ATP6V1A: variants seen among roughly 807,000 people sequenced by gnomAD.
The protein encoded by ATP6V1A is ATPase H+ transporting V1 subunit A.
ATP6V1A carries 18 observed loss-of-function variants against 70.1 expected under a neutral mutation model. The observed-to-expected ratio is 0.26, with a 90% CI of 0.18 to 0.38. The LOEUF (loss-of-function observed/expected upper bound fraction) is 0.38. Among genes scored for constraint, ATP6V1A ranks in the 10% least tolerant of loss-of-function variants. ATP6V1A has a pLI of 1.00. For synonymous variants in ATP6V1A, 232 were observed against 253.8 expected (o/e 0.91, Z 0.82); for missense variants, 424 against 772.4 (o/e 0.55, Z 5.35).
At chr3:113,809,032 T>C (rs1381615038) in intron 14 of ATP6V1A, among the ~76,000 whole-genome samples, 5 of 151,916 alleles carry the variant, frequency 3.3e-5, no homozygotes, top group Non-Finnish European at 7.4e-5. Flanking sequence ...AGTGGATCAC[T>C]TGAGATCAGG....
At chr3:113,780,040 ATTC>A (rs1028612446) in intron 2 of ATP6V1A, among the ~76,000 whole-genome samples, 10 of 152,074 alleles carry the variant, frequency 6.6e-5, no homozygotes, top group African/African-American at 2.4e-4. Context: ...GCAATTTTTA[ATTC>A]TTAAGTACTT....
intron 12 of ATP6V1A, among the ~76,000 whole-genome samples, chr3:113,801,415 C>T (rs1248371435): frequency 6.6e-6 from 1 of 152,130 alleles, no homozygotes; most frequent in Non-Finnish European, 1.5e-5. Flanking sequence ...GAGAACATCA[C>T]ATTATACTAG....
chr3:113,799,634 A>G (rs1709187569), intron 12 of ATP6V1A, among the ~76,000 whole-genome samples: 1 of 152,214 alleles, frequency 6.6e-6, no homozygotes, highest in African/African-American at 2.4e-5. Flanking sequence ...CATTGTTTGT[A>G]GATAATATGC....
intron 1 of ATP6V1A, among the ~76,000 whole-genome samples, chr3:113,760,714 A>C (rs1341774356): frequency 6.6e-6 from 1 of 151,178 alleles, no homozygotes; most frequent in African/African-American, 2.4e-5. Flanking sequence ...GGGCAACAAT[A>C]AGACTCCATC....
intron 1 of ATP6V1A, among the ~76,000 whole-genome samples, chr3:113,772,862 A>C (rs1708862673): frequency 6.6e-6 from 1 of 151,716 alleles, no homozygotes; most frequent in Admixed American, 6.6e-5. Context: ...CTGTATAAAC[A>C]CTATGGAGTA....
chr3:113,795,318 G>A (rs1709142509), intron 10 of ATP6V1A, 114 bp downstream of exon 10: 11 of 1,155,422 alleles, frequency 9.5e-6, no homozygotes, highest in South Asian at 4.9e-5. Context: ...TGGGAGCAGC[G>A]GTTCTTAAGG....
At chr3:113,756,914 GTT>G (rs1559748301) in intron 1 of ATP6V1A, among the ~76,000 whole-genome samples, 2 of 152,184 alleles carry the variant, frequency 1.3e-5, no homozygotes, top group Admixed American at 1.3e-4. Flanking sequence ...TGAAAAGTGA[GTT>G]TTTGATAATC....
At chr3:113,776,266 G>A (rs1421631632) in intron 1 of ATP6V1A, among the ~76,000 whole-genome samples, 1 of 151,954 alleles carries the variant, frequency 6.6e-6, no homozygotes, top group African/African-American at 2.4e-5. Flanking sequence ...GGGTGGGGAC[G>A]GGGGCGGCTG....
In ATP6V1A at chr3:113,797,183, C is replaced by T. The variant is rs1010701144; in HGVS notation, c.1291-1060C>T. Among the ~76,000 whole-genome samples, 40 of 144,904 alleles carry T rather than the reference C, an allele frequency of 2.8e-4. No homozygotes were observed. In the Middle Eastern group the frequency reaches 0.013, roughly 46 times the overall value. The stretch of plus-strand genomic sequence containing the variant: ...AACTCCTGACCTCAGGTGATCCACC[C>T]GCCTCAGCCTCCCAAAGTGCAGGGA... On this transcript the variant is annotated intron_variant, in intron 11 of 14. Coordinates refer to ENST00000273398, the MANE Select transcript of ATP6V1A (RefSeq NM_001690.4).
rs767872962 is a variant in ATP6V1A, at chr3:113,805,484, A to G, written c.1720A>G (p.Met574Val). Residue 574 changes from methionine to valine, a missense_variant, in exon 14 of 15, where the codon ATG (methionine) becomes GTG (valine). Transcript: ENST00000273398. ...KITWSIIREHMGDILYKLSSM... is the reference protein window; with the variant it reads ...KITWSIIREHVGDILYKLSSM... ...CACATGGTCCATTATTCGTGAGCAC[A>G]TGGGAGACATCCTCTATAAACTTTC... 3.1e-6 allele frequency: 5 copies of G among 1,614,042 alleles called. No homozygotes were observed. Among genetic ancestry groups the G allele is most frequent in the African/African-American group, 1.3e-5 (1 of 75,064 alleles).
intron 5 of ATP6V1A, among the ~76,000 whole-genome samples, 165 bp from the exon 6 acceptor site, chr3:113,786,067 A>G (rs1276631500): frequency 6.6e-6 from 1 of 151,254 alleles, no homozygotes; most frequent in Non-Finnish European, 1.5e-5. Flanking sequence ...TAAAAAAAAA[A>G]AAAAGCTAAG....
chr3:113,768,504 C>G (rs1708799171), intron 1 of ATP6V1A, among the ~76,000 whole-genome samples: 1 of 151,868 alleles, frequency 6.6e-6, no homozygotes, highest in Non-Finnish European at 1.5e-5. Context: ...TTAGCTCCCT[C>G]AAGGTCCTAA....
intron 1 of ATP6V1A, among the ~76,000 whole-genome samples, chr3:113,767,086 CTTTTT>C (rs369126041): frequency 2.3e-3 from 248 of 107,854 alleles, no homozygotes; most frequent in African/African-American, 7.8e-3. Flanking sequence ...GATGTTATGT[CTTTTT>C]TTTTTTTTTT....
In ATP6V1A at chr3:113,811,603, T is replaced by G. The variant is rs571905689; in HGVS notation, c.*2176T>G. 6.6e-6 allele frequency: 1 copy of G among 152,632 alleles called. No individual in the cohort carries two copies. Among genetic ancestry groups the G allele is most frequent in the Non-Finnish European group, 1.5e-5 (1 of 68,044 alleles). The allele number at this position is 152,632 out of a possible 1,614,324, so 9.5% of individuals were successfully genotyped here. A position where few individuals can be genotyped will look rare whatever the true frequency, so the allele number is the denominator to read the frequency against. On this transcript the variant is annotated 3_prime_UTR_variant, in exon 15 of 15. Coordinates refer to ENST00000273398, the MANE Select transcript of ATP6V1A (RefSeq NM_001690.4). ...ATGAAGAAAGTTTGACCAAATTTGT[T>G]TTTTTGTTGTTGTTGTTGTTTTGAA... is the stretch of plus-strand genomic sequence containing the variant.
At chr3:113,770,506 C>T (rs969320234) in intron 1 of ATP6V1A, among the ~76,000 whole-genome samples, 6 of 151,882 alleles carry the variant, frequency 4.0e-5, no homozygotes, top group Non-Finnish European at 7.4e-5. Flanking sequence ...GGCGAAATCC[C>T]GTCTCTACTA....
intron 1 of ATP6V1A, among the ~76,000 whole-genome samples, chr3:113,758,090 G>C (rs1331563954): frequency 6.6e-6 from 1 of 152,088 alleles, no homozygotes; most frequent in Non-Finnish European, 1.5e-5. Flanking sequence ...GTTGCAGTGA[G>C]CTGAGATCAC....
intron 11 of ATP6V1A, 25 bp from the exon 12 acceptor site, chr3:113,798,218 T>G (rs1709174383): frequency 4.4e-6 from 7 of 1,607,900 alleles, no homozygotes; most frequent in East Asian, 2.2e-5. Context: ...ATTACTGTTT[T>G]TGTGTGTGTG....
chr3:113,776,176 T>C (rs1708909856), intron 1 of ATP6V1A, among the ~76,000 whole-genome samples: 1 of 151,564 alleles, frequency 6.6e-6, no homozygotes, highest in South Asian at 2.1e-4. Context: ...CTGGGCAACA[T>C]GGTGAAACCC....
chr3:113,782,926 A>C (rs956757432), intron 3 of ATP6V1A, among the ~76,000 whole-genome samples: 2 of 152,018 alleles, frequency 1.3e-5, no homozygotes, highest in Admixed American at 6.6e-5. Context: ...GCTTTTTTTC[A>C]CTTAAAAGTA....
Sources: allele counts gnomAD v4.1 joint callset (sites outside exome capture counted in the v4.1 genomes callset), GRCh38; gene constraint gnomAD v4.1.1; transcripts MANE v1.5; gene names NCBI Gene and HGNC (gene_info 2026-07-23, HGNC 2026-07-21).